The following TMTC1 variants were observed in gnomAD, a reference collection of about 807,000 sequenced individuals.
TMTC1 encodes transmembrane O-mannosyltransferase targeting cadherins 1, also known as protein O-mannosyl-transferase TMTC1.
In TMTC1, 73 loss-of-function variants were observed where a neutral mutation model predicts 104.8. The observed-to-expected ratio is 0.70, with a 90% CI of 0.58 to 0.85. The LOEUF (loss-of-function observed/expected upper bound fraction) is 0.85. Ranked by LOEUF, TMTC1 falls within the 40% of genes least tolerant of loss-of-function variation. The pLI is 0.00. For synonymous variants in TMTC1, 434 were observed against 428.7 expected, an observed-to-expected ratio of 1.01 and a Z score of -0.15; for missense variants, 1,035 against 1,096.1, an observed-to-expected ratio of 0.94 and a Z score of 0.79.
intron 11 of TMTC1, among the ~76,000 whole-genome samples, chr12:29,531,486 G>C (rs1359551117): frequency 6.6e-6 from 1 of 152,170 alleles, no homozygotes. Flanking sequence ...CGTGGGGCTA[G>C]TAATAATTTA....
chr12:29,602,023 AC>A (rs1328668618), intron 7 of TMTC1, among the ~76,000 whole-genome samples: 1 of 151,680 alleles, frequency 6.6e-6, no homozygotes, highest in Non-Finnish European at 1.5e-5. Context: ...TTTAGTAAAG[AC>A]GGGGTTTCAC....
chr12:29,557,078 C>A, intron 9 of TMTC1, 78 bp from the exon 10 acceptor site: 2 of 1,484,916 alleles, frequency 1.3e-6, no homozygotes, highest in South Asian at 1.2e-5. Flanking sequence ...CTTCTTCCCC[C>A]AAGTATGAAC....
At chr12:29,631,626 C>T (rs1219207121) in intron 6 of TMTC1, among the ~76,000 whole-genome samples, 1 of 152,140 alleles carries the variant, frequency 6.6e-6, no homozygotes, top group Non-Finnish European at 1.5e-5. Context: ...TGATCACACA[C>T]TCCTGTTTCT....
chr12:29,783,351 A>C lies in TMTC1; in HGVS notation c.302+99T>G. 1 of 1,111,560 alleles carries C rather than the reference A, an allele frequency of 9.0e-7. No homozygotes were observed. Among genetic ancestry groups the C allele is most frequent in the Non-Finnish European group, 1.1e-6 (1 of 873,256 alleles). The allele number at this position is 1,111,560 out of a possible 1,614,324, so 68.9% of individuals were successfully genotyped here. A position where few individuals can be genotyped will look rare whatever the true frequency, so the allele number is the denominator to read the frequency against. The stretch of plus-strand genomic sequence containing the variant: ...GGCGTGGAGGGAAAGGGCGGCAAAA[A>C]TGAAATGCCCCCAAGTCAGTCCCGC... On this transcript the variant is annotated intron_variant, in intron 1 of 17. Coordinates refer to ENST00000539277, the MANE Select transcript of TMTC1 (RefSeq NM_001193451.2). The surrounding 1 kb of genome is among the most constrained non-coding windows in gnomAD (Gnocchi z 4.7).
rs145747560 is a variant in TMTC1 at position 29,622,962 on chromosome 12, G to A, written c.1128+10185C>T. Among the ~76,000 whole-genome samples, 43 of 152,262 alleles carry A rather than the reference G, an allele frequency of 2.8e-4. No individual in the cohort carries two copies. In the East Asian group the frequency reaches 7.5e-3, roughly 27 times the overall value. On this transcript the variant is annotated intron_variant, in intron 6 of 17. Transcript: ENST00000539277. ...GAAACAATCTCTAAATTCATTGTGT[G>A]GTTATTTCTAGAGAAAGGAGCATTT...
chr12:29,583,558 G>A lies in TMTC1; in HGVS notation c.1267C>T (p.Leu423Phe). ...LYMPSMGYCI[L>F]FVHGLSKLCT... ...AGCTTGCTCAGTCCATGCACAAAAA[G>A]GATGCAGTAGCCCATGCTGGAAAAC... The change falls in exon 8 of 18, where the codon CTT (leucine) becomes TTT (phenylalanine). Residue 423 changes from leucine (L) to phenylalanine (F), a missense_variant. Coordinates refer to ENST00000539277, the MANE Select transcript of TMTC1 (RefSeq NM_001193451.2). 1 of 1,613,044 alleles carries A rather than the reference G, an allele frequency of 6.2e-7. No individual in the cohort carries two copies. Among genetic ancestry groups the A allele is most frequent in the Admixed American group, 1.7e-5 (1 of 59,904 alleles).
At chr12:29,646,554 C>G (rs1300325176) in intron 5 of TMTC1, among the ~76,000 whole-genome samples, 1 of 152,110 alleles carries the variant, frequency 6.6e-6, no homozygotes, top group African/African-American at 2.4e-5. Context: ...CAACCCATCC[C>G]TAGTCCCCAG....
At chr12:29,568,903 T>C in intron 9 of TMTC1, 1 of 455,940 alleles carries the variant, frequency 2.2e-6, no homozygotes, top group South Asian at 1.5e-5. Flanking sequence ...AACCGAACAG[T>C]CGGAGAGCTC....
At chr12:29,601,501 A>T (rs1304818428) in intron 7 of TMTC1, among the ~76,000 whole-genome samples, 2 of 152,208 alleles carry the variant, frequency 1.3e-5, no homozygotes, top group African/African-American at 2.4e-5. Flanking sequence ...TAGAAGCTTG[A>T]TCACCACATG....
At position 29,656,339 on chromosome 12, in the gene TMTC1, T is replaced by TATATAC. The variant is rs896600524; in HGVS notation, c.939-23004_939-23003insGTATAT. 4.0e-3 allele frequency among the ~76,000 whole-genome samples: 592 copies of TATATAC among 146,956 alleles called. 5 individuals carry two copies. The highest frequency in any genetic ancestry group is 0.014 in the African/African-American group (552 of 39,692). On this transcript the variant is annotated intron_variant, in intron 5 of 17. Coordinates refer to ENST00000539277, the MANE Select transcript of TMTC1 (RefSeq NM_001193451.2). Reference sequence around the variant, plus strand: ...CCCTGGATATATATATATATATATATACACACATACACATATACTTTTTTT... The same window carrying TATATAC: ...CCCTGGATATATATATATATATATATATATACACACACATACACATATACTTTTTTT...
At chr12:29,582,574 G>C (rs567004627) in intron 8 of TMTC1, among the ~76,000 whole-genome samples, 2 of 152,224 alleles carry the variant, frequency 1.3e-5, no homozygotes, top group Non-Finnish European at 2.9e-5. Flanking sequence ...CCAGATGCCT[G>C]TTTCCTGTCT....
At chr12:29,594,418 C>T (rs1182119874) in intron 7 of TMTC1, among the ~76,000 whole-genome samples, 2 of 152,226 alleles carry the variant, frequency 1.3e-5, no homozygotes, top group Non-Finnish European at 2.9e-5. Flanking sequence ...ATGTGTCCAT[C>T]GTTCTTTAAT....
chr12:29,758,804 A>C, intron 2 of TMTC1, 27 bp from the exon 3 acceptor site: 1 of 1,575,060 alleles, frequency 6.3e-7, no homozygotes, highest in Non-Finnish European at 8.6e-7. Flanking sequence ...ATAAAAAATG[A>C]AACTTCAGAC....
At chr12:29,532,009 C>T (rs566419937) in intron 11 of TMTC1, among the ~76,000 whole-genome samples, 10 of 152,142 alleles carry the variant, frequency 6.6e-5, no homozygotes, top group East Asian at 1.9e-4. Context: ...TCACCATGAG[C>T]GGCCACTTAA....
chr12:29,761,653 A>G (rs1036031814), intron 2 of TMTC1, among the ~76,000 whole-genome samples: 23 of 151,794 alleles, frequency 1.5e-4, no homozygotes, highest in African/African-American at 5.1e-4. Flanking sequence ...AAATGCTCCA[A>G]AGAACAGGTA....
At chr12:29,720,674 A>G (rs1213318088) in intron 5 of TMTC1, among the ~76,000 whole-genome samples, 1 of 152,078 alleles carries the variant, frequency 6.6e-6, no homozygotes, top group Non-Finnish European at 1.5e-5. Flanking sequence ...AATGGGGGAG[A>G]GTAAGAAAAT....
chr12:29,767,723 AT>A (rs2120492448), intron 2 of TMTC1, among the ~76,000 whole-genome samples, 174 bp downstream of exon 2: 1 of 152,320 alleles, frequency 6.6e-6, no homozygotes, highest in African/African-American at 2.4e-5. Flanking sequence ...GTGAACTCAT[AT>A]GTTTTTGAAA....
intron 11 of TMTC1, among the ~76,000 whole-genome samples, chr12:29,532,055 G>T (rs1944519706): frequency 6.6e-6 from 1 of 151,958 alleles, no homozygotes; most frequent in African/African-American, 2.4e-5. Context: ...AAAATGAGAA[G>T]GTTAAAAAAA....
chr12:29,678,033 T>A (rs1447883199), intron 5 of TMTC1, among the ~76,000 whole-genome samples: 2 of 152,270 alleles, frequency 1.3e-5, no homozygotes, highest in East Asian at 3.9e-4. Flanking sequence ...TTGATACGTA[T>A]CCCCCACAGA....
Sources: gnomAD v4.1 joint callset for allele counts (sites outside exome capture counted in the v4.1 genomes callset) on GRCh38, gnomAD v4.1.1 for gene constraint, Gnocchi (gnomAD v3.1) non-coding constraint, MANE v1.5 for transcripts, NCBI Gene and HGNC (gene_info 2026-07-23, HGNC 2026-07-21) for gene names.